FRMD8: variants seen among roughly 807,000 people sequenced by gnomAD.
The protein encoded by FRMD8 is FERM domain containing 8.
A neutral mutation model predicts 54.2 loss-of-function variants in FRMD8; 37 were observed. The ratio of observed to expected loss-of-function variants is 0.68; its 90% CI spans 0.53 to 0.90. FRMD8 has a LOEUF of 0.90. Ranked by LOEUF, FRMD8 falls within the 40% of genes least tolerant of loss-of-function variation. The pLI is 0.00. For missense variants in FRMD8, 585 were observed against 653.7 expected (o/e 0.89, Z 1.15); for synonymous variants, 246 against 286.9 (o/e 0.86, Z 1.44).
At chr11:65,403,429 C>T (rs1303169077) in intron 9 of FRMD8, among the ~76,000 whole-genome samples, 3 of 152,166 alleles carry the variant, frequency 2.0e-5, no homozygotes, top group Admixed American at 1.3e-4. Context: ...GTGATCCACC[C>T]GCCTCGGCCT....
At chr11:65,393,928 C>A in intron 4 of FRMD8, 113 bp from the exon 5 acceptor site, 1 of 1,156,360 alleles carries the variant, frequency 8.6e-7, no homozygotes. Context: ...CACGGCCCTC[C>A]GGTTTTCTCA....
chr11:65,406,873 G>A (rs1042975891), intron 10 of FRMD8, among the ~76,000 whole-genome samples: 5 of 151,960 alleles, frequency 3.3e-5, no homozygotes, highest in African/African-American at 9.7e-5. Flanking sequence ...CCAGGAGGTG[G>A]AGGTTGCAGT....
intron 10 of FRMD8, among the ~76,000 whole-genome samples, chr11:65,407,244 T>C (rs1186575930): frequency 2.7e-5 from 4 of 149,384 alleles, no homozygotes; most frequent in East Asian, 2.0e-4. Context: ...TTTATTTATT[T>C]ATTTATTTAT....
Position 65,396,779 on chromosome 11 carries a change from C to T in FRMD8, c.582-20C>T. 2.7e-6 allele frequency: 4 copies of T among 1,474,962 alleles called. No individual in the cohort carries two copies. The highest frequency in any genetic ancestry group is 3.6e-6 in the Non-Finnish European group (4 of 1,108,384). The allele number at this position is 1,474,962 out of a possible 1,614,324, so 91.4% of individuals were successfully genotyped here. A position where few individuals can be genotyped will look rare whatever the true frequency, so the allele number is the denominator to read the frequency against. On this transcript the variant is annotated intron_variant, in intron 6 of 10. Transcript: ENST00000317568. Reference sequence around the variant, plus strand: ...GCACCTCTGGTTGGGCCGCTAGCACCTGTCTTCCTTCCTCCACAGGGAGAA... The same window carrying T: ...GCACCTCTGGTTGGGCCGCTAGCACTTGTCTTCCTTCCTCCACAGGGAGAA...
rs1856351030 is a variant in FRMD8, at chr11:65,412,274, TC to T, written c.*915del. On this transcript the variant is annotated 3_prime_UTR_variant, in exon 11 of 11. Coordinates refer to ENST00000317568, the MANE Select transcript of FRMD8 (RefSeq NM_031904.5). ...CTGACCTCCCCTCCCTGTGTCTGGG[TC>T]TTCAGGTTTTAGTTTGGTCTTTGTT... is the stretch of plus-strand genomic sequence containing the variant. The T allele has an allele frequency of 6.6e-6, 1 of 152,228 alleles. No individual in the cohort carries two copies. The highest frequency in any genetic ancestry group is 2.4e-5 in the African/African-American group (1 of 41,410). 9.4% of individuals were successfully genotyped at this position (152,228 alleles called of 1,614,324 possible). A position where few individuals can be genotyped will look rare whatever the true frequency, so the allele number is the denominator to read the frequency against.
At chr11:65,371,910 G>A in the FRMD8 span, among the ~76,000 whole-genome samples, 2,153 of 150,828 alleles carry the variant, frequency 0.014, 60 homozygotes, top group African/African-American at 0.05. Context: ...CACGAAGCCC[G>A]GCTAAATTTT....
chr11:65,393,754 GC>G, intron 4 of FRMD8, 80 bp downstream of exon 4: 1 of 1,250,564 alleles, frequency 8.0e-7, no homozygotes, highest in Non-Finnish European at 1.1e-6. Context: ...CCAGGGCCCT[GC>G]CAGCAAGGAG....
chr11:65,389,736 T>G (rs554535686), intron 3 of FRMD8, among the ~76,000 whole-genome samples: 1 of 152,252 alleles, frequency 6.6e-6, no homozygotes, highest in South Asian at 2.1e-4. Flanking sequence ...CTGTCTGTCT[T>G]TCTGCTGGTG....
chr11:65,377,465 CTG>C, the FRMD8 span: 1 of 995,788 alleles, frequency 1.0e-6, no homozygotes, highest in Non-Finnish European at 1.2e-6. Flanking sequence ...CAGCCTGTGA[CTG>C]TGAAATAGCA....
At chr11:65,385,992 T>A (rs144275900), upstream of FRMD8, among the ~76,000 whole-genome samples, 5,162 of 151,892 alleles carry the variant, frequency 0.034, 326 homozygotes, top group African/African-American at 0.12. Context: ...GAGACGGGGT[T>A]TCATCGTGTT....
chr11:65,380,596 G>C, the FRMD8 span: 1 of 1,294,854 alleles, frequency 7.7e-7, no homozygotes. Context: ...TCCAGAGCAG[G>C]CCCTGCTGCC....
At chr11:65,371,135 T>G in the FRMD8 span, among the ~76,000 whole-genome samples, 1 of 152,140 alleles carries the variant, frequency 6.6e-6, no homozygotes, top group Non-Finnish European at 1.5e-5. Context: ...GAGACACCAG[T>G]TAAGTCACAT....
intron 3 of FRMD8, among the ~76,000 whole-genome samples, chr11:65,391,757 C>T (rs1482651639): frequency 1.3e-5 from 2 of 152,116 alleles, no homozygotes; most frequent in African/African-American, 2.4e-5. Flanking sequence ...GTGATCCACC[C>T]GCCTCAGCCT....
At chr11:65,369,820 G>A in the FRMD8 span, among the ~76,000 whole-genome samples, 405 of 148,316 alleles carry the variant, frequency 2.7e-3, 1 homozygote, top group Middle Eastern at 6.8e-3. Flanking sequence ...ATCACCTGAG[G>A]TCAGGAGTTT....
intron 3 of FRMD8, 118 bp downstream of exon 3, chr11:65,389,646 A>G (rs1565596914): frequency 9.1e-7 from 1 of 1,094,196 alleles, no homozygotes; most frequent in Non-Finnish European, 1.3e-6. Flanking sequence ...CCATGGGGAA[A>G]GGTGGGACTT....
At position 65,404,303 on chromosome 11, in the gene FRMD8, C is replaced by G. The variant is rs1856142484; in HGVS notation, c.1072-561C>G. Reference sequence around the variant, plus strand: ...AACACCCTCTGCGACTCCCTCAAACCCCTGAAGGCCCTGTCCTTGGTGCCC... The same window carrying G: ...AACACCCTCTGCGACTCCCTCAAACGCCTGAAGGCCCTGTCCTTGGTGCCC... On this transcript the variant is annotated intron_variant, in intron 9 of 10. Coordinates refer to ENST00000317568, the MANE Select transcript of FRMD8 (RefSeq NM_031904.5). This position sits in a 1 kb window ranked among gnomAD's most constrained non-coding sequence, Gnocchi z 4.7. 6.6e-6 allele frequency among the ~76,000 whole-genome samples: 1 copy of G among 152,206 alleles called. No individual in the cohort carries two copies. Among genetic ancestry groups the G allele is most frequent in the African/African-American group, 2.4e-5 (1 of 41,448 alleles).
intron 4 of FRMD8, 38 bp downstream of exon 4, chr11:65,393,712 A>G (rs1855887778): frequency 6.6e-7 from 1 of 1,517,214 alleles, no homozygotes; most frequent in African/African-American, 1.4e-5. Context: ...CCTCGGGACC[A>G]CCTGAGTCTG....
intron 6 of FRMD8, among the ~76,000 whole-genome samples, chr11:65,395,003 T>C (rs1300805122): frequency 6.6e-6 from 1 of 152,070 alleles, no homozygotes; most frequent in Non-Finnish European, 1.5e-5. Context: ...TCCCAACACT[T>C]TGGGAGGTCA....
chr11:65,399,232 C>T (rs913877275), intron 7 of FRMD8, among the ~76,000 whole-genome samples: 1 of 152,046 alleles, frequency 6.6e-6, no homozygotes. Flanking sequence ...ATCTCCTGAC[C>T]TCATGACCCG....
Sources: gnomAD v4.1 joint callset for allele counts (sites outside exome capture counted in the v4.1 genomes callset) on GRCh38, gnomAD v4.1.1 for gene constraint, Gnocchi (gnomAD v3.1) non-coding constraint, MANE v1.5 for transcripts, NCBI Gene and HGNC (gene_info 2026-07-23, HGNC 2026-07-21) for gene names.